SF3B3: variants seen among roughly 807,000 people sequenced by gnomAD.
SF3B3 encodes the protein SAP 130.
SF3B3 carries 33 observed loss-of-function variants against 139.2 expected under a neutral mutation model. That is an observed-to-expected ratio of 0.24 (90% CI 0.18 to 0.32). SF3B3 has a LOEUF of 0.32. Among genes scored for constraint, SF3B3 ranks in the 10% least tolerant of loss-of-function variants. The pLI is 1.00. For synonymous variants in SF3B3, 596 were observed against 563.6 expected (o/e 1.06, Z -0.81); for missense variants, 818 against 1,509.4 (o/e 0.54, Z 7.59).
intron 6 of SF3B3, among the ~76,000 whole-genome samples, chr16:70,536,408 G>C (rs1425444246): frequency 6.6e-6 from 1 of 152,000 alleles, no homozygotes; most frequent in Non-Finnish European, 1.5e-5. Context: ...CTGTCACCCA[G>C]GCTAGAGTGT....
chr16:70,568,396 C>A lies in SF3B3; in HGVS notation c.3066C>A (p.Ile1022=). 1 of 1,614,084 alleles carries A rather than the reference C, an allele frequency of 6.2e-7. No homozygotes were observed. Among genetic ancestry groups the A allele is most frequent in the Non-Finnish European group, 8.5e-7 (1 of 1,179,908 alleles). The change falls in exon 22 of 26, where the codon ATC becomes ATA. Residue 1022 remains isoleucine (I), a synonymous_variant. Transcript: ENST00000302516. The part of the protein sequence containing the change: ...VRYKRNENQL[I]IFADDTYPRW... ...ACAAGCGTAATGAAAACCAGCTTAT[C>A]ATCTTTGCTGATGATACCTACCCCC... is the stretch of plus-strand genomic sequence containing the variant.
chr16:70,533,611 A>C (rs2050141019), intron 5 of SF3B3, among the ~76,000 whole-genome samples: 1 of 152,162 alleles, frequency 6.6e-6, no homozygotes, highest in Non-Finnish European at 1.5e-5. Flanking sequence ...TCACCATTGG[A>C]AAATACACGT....
In SF3B3 at chr16:70,556,909, G is replaced by T; in HGVS notation, c.1890G>T (p.Met630Ile). Residue 630 changes from methionine (M) to isoleucine (I), a missense_variant, in exon 15 of 26, where the codon ATG (methionine) becomes ATT (isoleucine). By Grantham distance (10) the Met-to-Ile change is conservative (BLOSUM62 1). Coordinates refer to ENST00000302516, the MANE Select transcript of SF3B3 (RefSeq NM_012426.5). The stretch of plus-strand genomic sequence containing the variant: ...AGGACTGTTTGCAACCTCTAAGCAT[G>T]CAGGCTCTCCCAGCCCAGCCTGAGT... ...DPSDCLQPLS[M>I]QALPAQPESL... 1 of 1,614,054 alleles carries T rather than the reference G, an allele frequency of 6.2e-7. No individual in the cohort carries two copies. The highest frequency in any genetic ancestry group is 1.1e-5 in the South Asian group (1 of 91,076).
At chr16:70,545,677 A>G (rs1208979785) in intron 10 of SF3B3, among the ~76,000 whole-genome samples, 2 of 152,186 alleles carry the variant, frequency 1.3e-5, no homozygotes, top group African/African-American at 4.8e-5. Flanking sequence ...AACACGCCCA[A>G]GATAATCTGG....
At chr16:70,523,981 A>G (rs2050019556) in intron 1 of SF3B3, 53 bp downstream of exon 1, 1 of 421,612 alleles carries the variant, frequency 2.4e-6, no homozygotes, top group Admixed American at 4.1e-5. Context: ...GAGACCGGCC[A>G]TATGGAAGGG....
At position 70,570,449 on chromosome 16, in the gene SF3B3, G is replaced by T. The variant is rs1052717050; in HGVS notation, c.3408+300G>T. ...AGGTTCACGCCATTCTCCTGCCTCAGCCTCCCAAGTAGCTGGGAATACAGG... is the reference window on the plus strand; with the variant it reads ...AGGTTCACGCCATTCTCCTGCCTCATCCTCCCAAGTAGCTGGGAATACAGG... On this transcript the variant is annotated intron_variant, in intron 24 of 25. Coordinates refer to ENST00000302516, the MANE Select transcript of SF3B3 (RefSeq NM_012426.5). Among the ~76,000 whole-genome samples the T allele has an allele frequency of 2.7e-5, 4 of 149,526 alleles. No individual in the cohort carries two copies. The Admixed American group carries it at 2.7e-4, about 10-fold the overall frequency.
Position 70,532,472 on chromosome 16 carries a change from T to G in SF3B3, c.571-7T>G. On this transcript the variant is annotated splice_region_variant and splice_polypyrimidine_tract_variant and intron_variant, in intron 4 of 25. Transcript: ENST00000302516. ...ATGATTAGTTTTTATGCCACTATTCTCTGTAGGAAGCAGACAATGATCCAA... is the reference window on the plus strand; with the variant it reads ...ATGATTAGTTTTTATGCCACTATTCGCTGTAGGAAGCAGACAATGATCCAA... 1 of 1,613,740 alleles carries G rather than the reference T, an allele frequency of 6.2e-7. No homozygotes were observed. Among genetic ancestry groups the G allele is most frequent in the Non-Finnish European group, 8.5e-7 (1 of 1,179,768 alleles).
intron 24 of SF3B3, 65 bp from the exon 25 acceptor site, chr16:70,571,030 C>A: frequency 9.5e-7 from 1 of 1,051,764 alleles, no homozygotes; most frequent in Non-Finnish European, 1.5e-6. Context: ...GTTCGTTGTG[C>A]TTGTGGAAAC....
At chr16:70,530,610 C>G (rs960216316) in intron 3 of SF3B3, 135 bp from the exon 4 acceptor site, 1 of 788,286 alleles carries the variant, frequency 1.3e-6, no homozygotes, top group Non-Finnish European at 2.0e-6. Context: ...AAAACAGAAT[C>G]CTGAGTTTTT....
In SF3B3 at chr16:70,572,017, C is replaced by T. The variant is rs529607137; in HGVS notation, c.*204C>T. Reference sequence around the variant, plus strand: ...ATTGGCACTGAGATTTGCTACACTTCTCCCCACCTGGTACATGATACATGA... The same window carrying T: ...ATTGGCACTGAGATTTGCTACACTTTTCCCCACCTGGTACATGATACATGA... On this transcript the variant is annotated 3_prime_UTR_variant, in exon 26 of 26. Coordinates refer to ENST00000302516, the MANE Select transcript of SF3B3 (RefSeq NM_012426.5). 1.0e-5 allele frequency: 7 copies of T among 692,262 alleles called. No homozygotes were observed. The highest frequency in any genetic ancestry group is 1.6e-5 in the South Asian group (1 of 63,874). The allele number at this position is 692,262 out of a possible 1,614,324, so 42.9% of individuals were successfully genotyped here.
At chr16:70,524,021 C>A in intron 1 of SF3B3, 93 bp downstream of exon 1, 1 of 405,846 alleles carries the variant, frequency 2.5e-6, no homozygotes, top group South Asian at 1.1e-4. Context: ...GGGTCACGGG[C>A]AGTCTAGGCC....
chr16:70,555,328 A>C, intron 13 of SF3B3, 122 bp downstream of exon 13: 1 of 922,780 alleles, frequency 1.1e-6, no homozygotes, highest in Non-Finnish European at 1.7e-6. Context: ...AAATACAAAA[A>C]TTAGCTGGGC....
intron 15 of SF3B3, among the ~76,000 whole-genome samples, chr16:70,559,686 CAAT>C (rs1487888934): frequency 6.6e-6 from 1 of 151,028 alleles, no homozygotes; most frequent in Non-Finnish European, 1.5e-5. Flanking sequence ...GAACCTGTCT[CAAT>C]AAATAAATAA....
rs778451433 is a variant in SF3B3, at chr16:70,569,045, G to A, written c.3168G>A (p.Val1056=). 1 of 1,606,596 alleles carries A rather than the reference G, an allele frequency of 6.2e-7. No homozygotes were observed. The highest frequency in any genetic ancestry group is 8.5e-7 in the Non-Finnish European group (1 of 1,176,374). ...GADKFGNICV[V]RLPPNTNDEV... is the part of the protein sequence containing the mutation. ...TGACTTGTGTCACTTCCTTGTAGGT[G>A]AGGCTCCCACCTAACACCAATGATG... is the stretch of plus-strand genomic sequence containing the variant. Residue 1056 remains valine, a splice_region_variant and synonymous_variant, in exon 23 of 26, where the codon GTG becomes GTA. Coordinates refer to ENST00000302516, the MANE Select transcript of SF3B3 (RefSeq NM_012426.5).
At chr16:70,530,073 C>G (rs1160005472) in intron 3 of SF3B3, among the ~76,000 whole-genome samples, 1 of 151,048 alleles carries the variant, frequency 6.6e-6, no homozygotes, top group East Asian at 1.9e-4. Context: ...TTGCAGTGAG[C>G]CGAGATAGCG....
At chr16:70,525,211 G>C (rs1435963844) in intron 1 of SF3B3, among the ~76,000 whole-genome samples, 2 of 151,712 alleles carry the variant, frequency 1.3e-5, no homozygotes, top group African/African-American at 4.8e-5. Context: ...TGCATTTTTA[G>C]TAGAGGGGTT....
chr16:70,556,524 A>G (rs2050381046), intron 14 of SF3B3, 190 bp downstream of exon 14: 2 of 648,000 alleles, frequency 3.1e-6, no homozygotes, highest in South Asian at 1.9e-5. Flanking sequence ...GTTTAAGGAT[A>G]TGATCTGAGA....
At chr16:70,569,269 G>A in intron 23 of SF3B3, 128 bp downstream of exon 23, 1 of 626,528 alleles carries the variant, frequency 1.6e-6, no homozygotes, top group Middle Eastern at 3.1e-4. Context: ...TCCGTCCACA[G>A]TCCTTTCTTA....
intron 13 of SF3B3, among the ~76,000 whole-genome samples, chr16:70,555,477 C>T (rs1441137315): frequency 1.4e-5 from 1 of 73,110 alleles, no homozygotes; most frequent in Admixed American, 1.7e-4. Context: ...GACTCCGTCT[C>T]AAAAAAAAAA....
Sources: gnomAD v4.1 joint callset for allele counts (sites outside exome capture counted in the v4.1 genomes callset) on GRCh38, gnomAD v4.1.1 for gene constraint, MANE v1.5 for transcripts, NCBI Gene and HGNC (gene_info 2026-07-23, HGNC 2026-07-21) for gene names.